DOCK3: variants seen among roughly 807,000 people sequenced by gnomAD.
DOCK3 encodes dedicator of cytokinesis protein 3.
Under a neutral mutation model 265.6 loss-of-function variants are expected in DOCK3, and 60 were observed. The observed-to-expected ratio is 0.23, with a 90% CI of 0.18 to 0.28. DOCK3 has a LOEUF of 0.28. Ranked by LOEUF, DOCK3 falls within the 10% of genes least tolerant of loss-of-function variation. The pLI, the probability that DOCK3 is intolerant of heterozygous loss-of-function variation, is 1.00. For synonymous variants in DOCK3, 881 were observed against 938.0 expected, an observed-to-expected ratio of 0.94 and a Z score of 1.11; for missense variants, 1,981 against 2,594.3, an observed-to-expected ratio of 0.76 and a Z score of 5.14.
rs745416190 is a variant in DOCK3, at chr3:51,228,798, C to T, written c.1785C>T (p.Ser595=). The T allele has an allele frequency of 9.9e-6, 16 of 1,613,938 alleles. No homozygotes were observed. Among genetic ancestry groups the T allele is most frequent in the Admixed American group, 3.3e-5 (2 of 60,008 alleles). The change falls in exon 18 of 53, where the codon TCC becomes TCT. Residue 595 remains serine (S), a synonymous_variant. Transcript: ENST00000266037. ...QRSTKESFFI[S]TQLSSTKLTQ... The stretch of plus-strand genomic sequence containing the variant: ...GCACCAAAGAGTCTTTCTTCATCTC[C>T]ACTCAGCTCTCCTCTACCAAACTCA...
chr3:50,905,884 A>T (rs377556994), intron 4 of DOCK3, among the ~76,000 whole-genome samples: 3 of 152,010 alleles, frequency 2.0e-5, no homozygotes, highest in East Asian at 1.9e-4. Context: ...ATTCAGTATG[A>T]TATTGGCTGT....
intron 32 of DOCK3, among the ~76,000 whole-genome samples, chr3:51,320,845 AC>A (rs1050294183): frequency 1.3e-5 from 2 of 150,134 alleles, no homozygotes; most frequent in Non-Finnish European, 3.0e-5. Context: ...TATAGATAAA[AC>A]CCCCATCTCC....
intron 27 of DOCK3, among the ~76,000 whole-genome samples, chr3:51,288,472 AT>A (rs1400773301): frequency 6.6e-6 from 1 of 151,818 alleles, no homozygotes; most frequent in African/African-American, 2.4e-5. Context: ...GAGGGTGAGG[AT>A]CAAAAAACTA....
At chr3:51,043,190 G>A (rs1029552657) in intron 5 of DOCK3, among the ~76,000 whole-genome samples, 3 of 152,074 alleles carry the variant, frequency 2.0e-5, no homozygotes, top group Admixed American at 2.0e-4. Flanking sequence ...CCAAACTACT[G>A]CAGGTCTACA....
chr3:50,921,384 G>A (rs1183198834), intron 4 of DOCK3, among the ~76,000 whole-genome samples: 1 of 152,088 alleles, frequency 6.6e-6, no homozygotes, highest in Non-Finnish European at 1.5e-5. Flanking sequence ...CTTGTGGCGT[G>A]GTTTTCAGCT....
chr3:50,844,680 A>G (rs189347406), intron 3 of DOCK3, among the ~76,000 whole-genome samples: 41 of 152,362 alleles, frequency 2.7e-4, no homozygotes, highest in Admixed American at 2.6e-3. Flanking sequence ...TTATGACTAC[A>G]TACTAAAATT....
At position 51,238,119 on chromosome 3, in the gene DOCK3, C is replaced by CTTTTT. The variant is rs747331452; in HGVS notation, c.2102+566_2102+570dup. 8.4e-5 allele frequency among the ~76,000 whole-genome samples: 4 copies of CTTTTT among 47,438 alleles called. 1 individual carries two copies. The highest frequency in any genetic ancestry group is 1.5e-4 in the Non-Finnish European group (4 of 26,826). 31.1% of individuals were successfully genotyped at this position (47,438 alleles called of 152,430 possible). On this transcript the variant is annotated intron_variant, in intron 21 of 52. Coordinates refer to ENST00000266037, the MANE Select transcript of DOCK3 (RefSeq NM_004947.5). ...AATGTTCCATTGTATATATTTACCA[C>CTTTTT]TTTTTTTTTTTTTTTTTTTTTTTTT... is the stretch of plus-strand genomic sequence containing the variant.
chr3:51,132,119 T>A (rs907286815), intron 9 of DOCK3, among the ~76,000 whole-genome samples: 1 of 152,174 alleles, frequency 6.6e-6, no homozygotes, highest in Non-Finnish European at 1.5e-5. Context: ...CATCTTTTAA[T>A]CCATATTTCA....
chr3:51,058,600 A>G (rs948365341), intron 5 of DOCK3, among the ~76,000 whole-genome samples: 2 of 152,216 alleles, frequency 1.3e-5, no homozygotes, highest in South Asian at 4.1e-4. Flanking sequence ...CGTATATGCC[A>G]TCTTAGTTTG....
rs575570857 is a variant in DOCK3, at chr3:50,689,705, C to T, written c.37+14405C>T. On this transcript the variant is annotated intron_variant, in intron 1 of 52. Coordinates refer to ENST00000266037, the MANE Select transcript of DOCK3 (RefSeq NM_004947.5). ...TGCATGCACAGTTCACAACAGGGTT[C>T]GTCTAATGCTGCTGCTGATCTGACA... is the stretch of plus-strand genomic sequence containing the variant. 7.6e-4 allele frequency among the ~76,000 whole-genome samples: 115 copies of T among 152,312 alleles called. No homozygotes were observed. In the South Asian group the frequency reaches 9.3e-3, roughly 12 times the overall value.
chr3:50,975,101 C>T (rs1234932430), intron 5 of DOCK3, among the ~76,000 whole-genome samples: 5 of 151,088 alleles, frequency 3.3e-5, no homozygotes, highest in African/African-American at 1.2e-4. Context: ...GACAATTTGA[C>T]TTCCTCTTTT....
At chr3:50,854,419 T>A (rs947703044) in intron 3 of DOCK3, among the ~76,000 whole-genome samples, 1 of 148,404 alleles carries the variant, frequency 6.7e-6, no homozygotes. Flanking sequence ...TCCCCTCCCC[T>A]CCCCCCATCT....
intron 4 of DOCK3, chr3:50,900,605 C>G (rs544390593): frequency 2.5e-6 from 1 of 394,758 alleles, no homozygotes; most frequent in Non-Finnish European, 4.9e-6. Context: ...TCCTCATCTT[C>G]GTGGATTTAT....
At chr3:51,044,604 A>G (rs555611476) in intron 5 of DOCK3, among the ~76,000 whole-genome samples, 2 of 150,738 alleles carry the variant, frequency 1.3e-5, no homozygotes, top group East Asian at 1.9e-4. Context: ...CCTAAATGGC[A>G]TCTTCTTATC....
intron 1 of DOCK3, among the ~76,000 whole-genome samples, chr3:50,713,826 A>T (rs1245709071): frequency 6.6e-6 from 1 of 152,078 alleles, no homozygotes; most frequent in Non-Finnish European, 1.5e-5. Flanking sequence ...TCAATAAATG[A>T]TGTTAGTCAG....
chr3:51,298,755 T>C (rs1452740077), intron 27 of DOCK3, among the ~76,000 whole-genome samples: 1 of 152,248 alleles, frequency 6.6e-6, no homozygotes, highest in Admixed American at 6.5e-5. Flanking sequence ...TTCCTTTTTA[T>C]GGCTGCATAG....
chr3:51,012,702 G>C (rs1371765998), intron 5 of DOCK3, among the ~76,000 whole-genome samples: 2 of 152,278 alleles, frequency 1.3e-5, no homozygotes, highest in East Asian at 3.9e-4. Flanking sequence ...TGGTACCTCA[G>C]TTGGAAATGC....
intron 5 of DOCK3, among the ~76,000 whole-genome samples, chr3:51,016,645 TTA>T (rs374017643): frequency 0.85 from 47,055 of 55,080 alleles, 20,357 homozygotes; most frequent in East Asian, 0.93. Context: ...TGATATATAT[TTA>T]TATGTTTATA....
chr3:51,158,263 A>C (rs922308847), intron 10 of DOCK3, among the ~76,000 whole-genome samples: 1 of 152,212 alleles, frequency 6.6e-6, no homozygotes, highest in Non-Finnish European at 1.5e-5. Context: ...AATGATTATC[A>C]GATTGGGCAT....
Sources: gnomAD v4.1 joint callset for allele counts (sites outside exome capture counted in the v4.1 genomes callset) on GRCh38, gnomAD v4.1.1 for gene constraint, MANE v1.5 for transcripts, NCBI Gene and HGNC (gene_info 2026-07-23, HGNC 2026-07-21) for gene names.